CRX: variants seen among roughly 807,000 people sequenced by gnomAD.
The protein encoded by CRX is cone-rod homeobox protein.
CRX carries 5 observed loss-of-function variants against 13.1 expected under a neutral mutation model. That is an observed-to-expected ratio of 0.38 (90% confidence interval 0.20 to 0.80). The LOEUF (loss-of-function observed/expected upper bound fraction) is 0.80. CRX is among the 30% of genes least tolerant of loss of function. CRX has a pLI of 0.43. For missense variants in CRX, 351 were observed against 391.8 expected (o/e 0.90, Z 0.88); for synonymous variants, 179 against 171.1 (o/e 1.05, Z -0.36).
chr19:47,829,967 C>T (rs991941593), intron 1 of CRX, among the ~76,000 whole-genome samples: 2 of 150,764 alleles, frequency 1.3e-5, no homozygotes, highest in Admixed American at 6.6e-5. Flanking sequence ...CAAATGGTTG[C>T]GAGGTATACA....
At chr19:47,828,922 AC>A (rs1968010332) in intron 1 of CRX, among the ~76,000 whole-genome samples, 1 of 151,418 alleles carries the variant, frequency 6.6e-6, no homozygotes, top group Admixed American at 6.6e-5. Flanking sequence ...ACACACACAC[AC>A]ACACACACAC....
intron 1 of CRX, among the ~76,000 whole-genome samples, chr19:47,828,621 G>GTGTGTGTC (rs1468951477): frequency 1.3e-5 from 2 of 151,124 alleles, no homozygotes; most frequent in African/African-American, 4.9e-5. Context: ...GAGCGTGTGT[G>GTGTGTGTC]TGTGTGTGTA....
In CRX at chr19:47,832,105, G is replaced by GTTTTTTTTTTTGTT. The variant is rs1968055229; in HGVS notation, c.-35-2293_-35-2292insGTTTTTTTTTTTTT. Among the ~76,000 whole-genome samples, 2 of 91,988 alleles carry GTTTTTTTTTTTGTT rather than the reference G, an allele frequency of 2.2e-5. 1 individual carries two copies. Among genetic ancestry groups the GTTTTTTTTTTTGTT allele is most frequent in the African/African-American group, 9.1e-5 (2 of 21,930 alleles). The allele number at this position is 91,988 out of a possible 152,430, so 60.3% of individuals were successfully genotyped here. On this transcript the variant is annotated intron_variant, in intron 1 of 3. Transcript: ENST00000221996. ...AAATCAGTTCAGAGAGCAGCCTTAT[G>GTTTTTTTTTTTGTT]TTTTTTTTTTTTTTTTTTGAGACGG...
intron 3 of CRX, among the ~76,000 whole-genome samples, chr19:47,837,389 A>G (rs1969676801): frequency 6.6e-6 from 1 of 151,632 alleles, no homozygotes; most frequent in African/African-American, 2.4e-5. Flanking sequence ...CTGGTCTCAA[A>G]CTCCTGACCT....
chr19:47,823,179 G>T (rs550980203), intron 1 of CRX, among the ~76,000 whole-genome samples: 1 of 152,022 alleles, frequency 6.6e-6, no homozygotes, highest in Non-Finnish European at 1.5e-5. Context: ...TCTTGCTCTC[G>T]GCTGTATTCC....
intron 3 of CRX, 30 bp downstream of exon 3, chr19:47,836,424 G>A (rs373985560): frequency 1.1e-5 from 18 of 1,613,908 alleles, no homozygotes; most frequent in Middle Eastern, 1.6e-4. Context: ...GACCCCTCCC[G>A]ACACTTCCTG....
chr19:47,834,537 T>C lies in CRX; in HGVS notation c.94T>C (p.Tyr32His). Reference protein sequence around the residue: ...SVDLMHQAVPYPSAPRKQRRE... With the variant: ...SVDLMHQAVPHPSAPRKQRRE... ...GGATCTGATGCACCAGGCTGTGCCC[T>C]ACCCAAGTGAGTACAGTCGTTTCTC... Residue 32 changes from tyrosine (Y) to histidine (H), a missense_variant, in exon 2 of 4, where the codon TAC (tyrosine) becomes CAC (histidine). Around this residue, in one of 3 missense-constraint regions of CRX, gnomAD observed 95 missense variants for 106.7 expected, o/e 0.89. Coordinates refer to ENST00000221996, the MANE Select transcript of CRX (RefSeq NM_000554.6). 1 of 1,613,420 alleles carries C rather than the reference T, an allele frequency of 6.2e-7. No homozygotes were observed. The highest frequency in any genetic ancestry group is 8.5e-7 in the Non-Finnish European group (1 of 1,179,542).
At chr19:47,826,008 C>A (rs1967971021) in intron 1 of CRX, among the ~76,000 whole-genome samples, 1 of 152,122 alleles carries the variant, frequency 6.6e-6, no homozygotes, top group African/African-American at 2.4e-5. Flanking sequence ...AACTGCTTAG[C>A]CAGGCAATCT....
chr19:47,835,041 C>G (rs1968099406), intron 2 of CRX, among the ~76,000 whole-genome samples: 1 of 150,230 alleles, frequency 6.7e-6, no homozygotes, highest in Admixed American at 6.6e-5. Context: ...GTTGCCCACT[C>G]TGAAGTGCAA....
chr19:47,831,667 G>C (rs1016201625), intron 1 of CRX, among the ~76,000 whole-genome samples: 2 of 152,170 alleles, frequency 1.3e-5, no homozygotes, highest in African/African-American at 4.8e-5. Context: ...GGGTCTGTTA[G>C]ACAAGACTCC....
At chr19:47,825,446 C>A (rs948405442) in intron 1 of CRX, among the ~76,000 whole-genome samples, 13 of 152,136 alleles carry the variant, frequency 8.5e-5, no homozygotes, top group Non-Finnish European at 1.3e-4. Context: ...GCCCTTCTGT[C>A]ATCAGCTGCC....
At chr19:47,834,671 G>C (rs1442528394) in intron 2 of CRX, 128 bp downstream of exon 2, 1 of 708,768 alleles carries the variant, frequency 1.4e-6, no homozygotes, top group Non-Finnish European at 2.5e-6. Context: ...AGCCCTCTGG[G>C]TTCATCTGAA....
chr19:47,840,234 C>A lies in CRX; in HGVS notation c.*267C>A. 2.1e-6 allele frequency: 1 copy of A among 479,096 alleles called. No homozygotes were observed. The highest frequency in any genetic ancestry group is 3.8e-6 in the Non-Finnish European group (1 of 263,350). The allele number at this position is 479,096 out of a possible 1,614,324, so 29.7% of individuals were successfully genotyped here. ...CGATTGTGACCGCTGAAGTACACCA[C>A]GAGCTCCAGGCTTCAGAAAGTGGTG... On this transcript the variant is annotated 3_prime_UTR_variant, in exon 4 of 4. Coordinates refer to ENST00000221996, the MANE Select transcript of CRX (RefSeq NM_000554.6).
chr19:47,826,040 A>T (rs189008214), intron 1 of CRX, among the ~76,000 whole-genome samples: 244 of 152,352 alleles, frequency 1.6e-3, no homozygotes, highest in African/African-American at 5.7e-3. Context: ...GACGGCGAAG[A>T]CAATGAAAGT....
At chr19:47,837,971 C>A (rs961380197) in intron 3 of CRX, among the ~76,000 whole-genome samples, 1 of 151,652 alleles carries the variant, frequency 6.6e-6, no homozygotes, top group Admixed American at 6.6e-5. Flanking sequence ...TGTTTGTATG[C>A]TGTAGGTATG....
In CRX at chr19:47,839,885, C is replaced by T. The variant is rs281865203; in HGVS notation, c.818C>T (p.Thr273Met). 4.9e-5 allele frequency: 79 copies of T among 1,613,994 alleles called. 1 individual carries two copies. The highest frequency in any genetic ancestry group is 1.7e-4 in the Admixed American group (10 of 59,974). ...PVDSLEFKDP[T>M]GTWKFTYNPM... Reference sequence around the variant, plus strand: ...GATAGCTTGGAATTCAAGGACCCCACGGGCACCTGGAAATTCACCTACAAT... The same window carrying T: ...GATAGCTTGGAATTCAAGGACCCCATGGGCACCTGGAAATTCACCTACAAT... Residue 273 changes from threonine (T) to methionine (M), a missense_variant, in exon 4 of 4, where the codon ACG becomes ATG. Thr to Met is a moderately conservative substitution (Grantham distance 81). Coordinates refer to ENST00000221996, the MANE Select transcript of CRX (RefSeq NM_000554.6). The surrounding 1 kb of genome is among the most constrained non-coding windows in gnomAD (Gnocchi z 4.6).
At chr19:47,822,591 C>T (rs16972481) in intron 1 of CRX, among the ~76,000 whole-genome samples, 2,745 of 152,228 alleles carry the variant, frequency 0.018, 77 homozygotes, top group African/African-American at 0.062. Flanking sequence ...GGAAGAACTC[C>T]GGGTGGACTT....
intron 1 of CRX, among the ~76,000 whole-genome samples, chr19:47,830,431 A>G (rs995794430): frequency 6.6e-5 from 10 of 150,988 alleles, no homozygotes; most frequent in Admixed American, 5.9e-4. Flanking sequence ...GGCCGGGTGC[A>G]GTGGCTCACG....
chr19:47,834,981 G>A (rs372193126), intron 2 of CRX, among the ~76,000 whole-genome samples: 66 of 150,632 alleles, frequency 4.4e-4, no homozygotes, highest in African/African-American at 1.5e-3. Context: ...GCCTAGGCCC[G>A]GGGGGCACTT....
Sources: allele counts gnomAD v4.1 joint callset (sites outside exome capture counted in the v4.1 genomes callset), GRCh38; gene constraint gnomAD v4.1.1; regional missense constraint gnomAD v4.1.1; non-coding constraint Gnocchi (gnomAD v3.1); transcripts MANE v1.5; gene names NCBI Gene and HGNC (gene_info 2026-07-23, HGNC 2026-07-21).